GNPTAB: variants seen among roughly 807,000 people sequenced by gnomAD.
GNPTAB encodes the protein N-acetylglucosamine-1-phosphotransferase subunits alpha/beta.
GNPTAB carries 92 observed loss-of-function variants against 136.6 expected under a neutral mutation model. The ratio of observed to expected loss-of-function variants is 0.67; its 90% confidence interval spans 0.57 to 0.80. GNPTAB has a LOEUF of 0.80. GNPTAB is among the 30% of genes least tolerant of loss of function. The probability of loss-of-function intolerance (pLI) is 0.00; values close to 1 mark genes in which losing one functional copy is unlikely to be tolerated. For synonymous variants in GNPTAB, 512 were observed against 535.1 expected (o/e 0.96, Z 0.60); for missense variants, 1,343 against 1,501.8 (o/e 0.89, Z 1.75).
rs755857665 is a variant in GNPTAB, at chr12:101,765,304, T to G, written c.1613A>C (p.Asp538Ala). The change falls in exon 13 of 21, where the codon GAT (aspartate) becomes GCT (alanine). Residue 538 changes from aspartate (D) to alanine (A), a missense_variant and splice_region_variant. Coordinates refer to ENST00000299314, the MANE Select transcript of GNPTAB (RefSeq NM_024312.5). ...CGFDAGDCGQ[D>A]HFHELYKVIL... Reference sequence around the variant, plus strand: ...CACTTTATACAATTCATGAAAATGATCTAGAGGAAAAAACAGAAACATGAT... The same window carrying G: ...CACTTTATACAATTCATGAAAATGAGCTAGAGGAAAAAACAGAAACATGAT... 1.3e-6 allele frequency: 2 copies of G among 1,595,984 alleles called. No homozygotes were observed. The highest frequency in any genetic ancestry group is 1.7e-6 in the Non-Finnish European group (2 of 1,164,052).
At position 101,789,975 on chromosome 12, in the gene GNPTAB, C is replaced by T; in HGVS notation, c.286G>A (p.Val96Ile). The change falls in exon 3 of 21, where the codon GTC (valine) becomes ATC (isoleucine). Residue 96 changes from valine (V) to isoleucine (I), a missense_variant. Coordinates refer to ENST00000299314, the MANE Select transcript of GNPTAB (RefSeq NM_024312.5). ...TGCTCCTCCTCCATCTGTTCTCTGA[C>T]CTGCTGTAGTTCCTTCAGTAGTTCA... is the stretch of plus-strand genomic sequence containing the variant. The part of the protein sequence containing the change: ...DLELLKELQQ[V>I]REQMEEEQKA... 1 of 1,614,210 alleles carries T rather than the reference C, an allele frequency of 6.2e-7. No individual in the cohort carries two copies. Among genetic ancestry groups the T allele is most frequent in the Non-Finnish European group, 8.5e-7 (1 of 1,180,036 alleles).
At chr12:101,802,251 A>G (rs1308285074) in intron 1 of GNPTAB, among the ~76,000 whole-genome samples, 1 of 151,920 alleles carries the variant, frequency 6.6e-6, no homozygotes, top group Non-Finnish European at 1.5e-5. Flanking sequence ...AGGAAAGAAG[A>G]AAGAAAGAAA....
intron 5 of GNPTAB, among the ~76,000 whole-genome samples, chr12:101,782,287 G>A (rs928838714): frequency 6.6e-6 from 1 of 152,060 alleles, no homozygotes; most frequent in African/African-American, 2.4e-5. Flanking sequence ...AGGTATTTGA[G>A]CATTAGAATA....
At chr12:101,794,558 T>C (rs1255566060) in intron 2 of GNPTAB, among the ~76,000 whole-genome samples, 1 of 152,164 alleles carries the variant, frequency 6.6e-6, no homozygotes, top group Admixed American at 6.5e-5. Context: ...ATCAATGTTA[T>C]GGTATCTTAA....
chr12:101,820,674 A>G (rs1347806452), intron 1 of GNPTAB, among the ~76,000 whole-genome samples: 1 of 152,036 alleles, frequency 6.6e-6, no homozygotes, highest in Non-Finnish European at 1.5e-5. Flanking sequence ...CTAGCTAAGA[A>G]CCACTGTCCT....
chr12:101,768,310 A>AG, intron 10 of GNPTAB, 150 bp from the exon 11 acceptor site: 1 of 808,174 alleles, frequency 1.2e-6, no homozygotes, highest in Non-Finnish European at 2.0e-6. Flanking sequence ...AAGTGCTTTA[A>AG]GTTTGCCTGT....
chr12:101,789,596 C>T (rs1223027796), intron 3 of GNPTAB, among the ~76,000 whole-genome samples: 3 of 152,136 alleles, frequency 2.0e-5, no homozygotes, highest in East Asian at 1.9e-4. Flanking sequence ...ATGATTCTCC[C>T]GCCTTAGCCT....
intron 1 of GNPTAB, among the ~76,000 whole-genome samples, chr12:101,810,299 A>G (rs1054199892): frequency 1.3e-5 from 2 of 151,872 alleles, no homozygotes; most frequent in African/African-American, 4.8e-5. Flanking sequence ...ATGGAGAACT[A>G]TTTAGGGGAG....
intron 1 of GNPTAB, among the ~76,000 whole-genome samples, chr12:101,814,013 A>G (rs1264885163): frequency 6.6e-6 from 1 of 151,772 alleles, no homozygotes; most frequent in African/African-American, 2.4e-5. Context: ...CGGGAGGCGG[A>G]GGTTGCAGTG....
chr12:101,787,721 C>A (rs1278764958), intron 4 of GNPTAB, among the ~76,000 whole-genome samples: 1 of 152,040 alleles, frequency 6.6e-6, no homozygotes, highest in Non-Finnish European at 1.5e-5. Flanking sequence ...TGAGACCAGC[C>A]TGATCAACAT....
chr12:101,765,117 G>C lies in GNPTAB; in HGVS notation c.1800C>G (p.Leu600=), dbSNP rs534858651. The C allele has an allele frequency of 6.2e-7, 1 of 1,614,150 alleles. No individual in the cohort carries two copies. Among genetic ancestry groups the C allele is most frequent in the Non-Finnish European group, 8.5e-7 (1 of 1,179,994 alleles). ...TGGCATTCATTCCACTGTGCATTATGAGGTGGATGGTTTTCCACTTGTTGG... is the reference window on the plus strand; with the variant it reads ...TGGCATTCATTCCACTGTGCATTATCAGGTGGATGGTTTTCCACTTGTTGG... ...SIANKWKTIH[L]IMHSGMNATT... The change falls in exon 13 of 21, where the codon CTC becomes CTG. Residue 600 remains leucine, a synonymous_variant. Coordinates refer to ENST00000299314, the MANE Select transcript of GNPTAB (RefSeq NM_024312.5).
chr12:101,799,994 G>C (rs1869522485), intron 1 of GNPTAB, among the ~76,000 whole-genome samples: 1 of 152,182 alleles, frequency 6.6e-6, no homozygotes, highest in African/African-American at 2.4e-5. Context: ...GTTTTGTTCT[G>C]ACTTGTTTCC....
Position 101,770,409 on chromosome 12 carries a change from G to GT in GNPTAB, c.1109dup (p.His370GlnfsTer15). ...TAATTTTTAGAAAGTCCTGTACCTG[G>GT]TGTGTTACTATTGTCACTCGAGGAT... On this transcript the variant is annotated frameshift_variant, in exon 9 of 21. Transcript: ENST00000299314. LOFTEE classifies it high-confidence loss of function. The GT allele has an allele frequency of 6.2e-7, 1 of 1,605,914 alleles. No homozygotes were observed. The highest frequency in any genetic ancestry group is 8.5e-7 in the Non-Finnish European group (1 of 1,172,488).
chr12:101,816,987 T>TA (rs1475186164), intron 1 of GNPTAB, among the ~76,000 whole-genome samples: 10 of 152,062 alleles, frequency 6.6e-5, no homozygotes, highest in African/African-American at 2.4e-4. Context: ...ATGTGGGAGC[T>TA]AAAAAACTGA....
At chr12:101,821,587 A>T (rs1310400770) in intron 1 of GNPTAB, among the ~76,000 whole-genome samples, 1 of 152,184 alleles carries the variant, frequency 6.6e-6, no homozygotes, top group African/African-American at 2.4e-5. Context: ...CATGGTAGAA[A>T]GGTCCAGGAG....
intron 10 of GNPTAB, among the ~76,000 whole-genome samples, chr12:101,769,558 G>C (rs1234581517): frequency 6.6e-6 from 1 of 152,056 alleles, no homozygotes; most frequent in African/African-American, 2.4e-5. Context: ...TCTGAGCTTA[G>C]CACTCAAAAA....
intron 17 of GNPTAB, 87 bp downstream of exon 17, chr12:101,757,485 T>C (rs1952918899): frequency 9.7e-6 from 8 of 823,848 alleles, no homozygotes; most frequent in Admixed American, 7.5e-5. Flanking sequence ...CAGTGCTTAA[T>C]AGACAAAATA....
chr12:101,815,616 C>T (rs1870476445), intron 1 of GNPTAB, among the ~76,000 whole-genome samples: 1 of 97,824 alleles, frequency 1.0e-5, no homozygotes, highest in Admixed American at 9.7e-5. Context: ...TAGCAAGACC[C>T]TGTTCCAAAA....
intron 1 of GNPTAB, among the ~76,000 whole-genome samples, chr12:101,798,323 C>A (rs543853097): frequency 6.6e-6 from 1 of 152,314 alleles, no homozygotes; most frequent in South Asian, 2.1e-4. Context: ...ACTCTACATG[C>A]CCTCCTTCCT....
Sources: allele counts gnomAD v4.1 joint callset (sites outside exome capture counted in the v4.1 genomes callset), GRCh38; gene constraint gnomAD v4.1.1; transcripts MANE v1.5; gene names NCBI Gene and HGNC (gene_info 2026-07-23, HGNC 2026-07-21).